Variants in KCNQ2 observed in about 807,000 individuals in gnomAD.
KCNQ2 encodes the protein potassium voltage-gated channel subfamily Q member 2.
KCNQ2 carries 14 observed loss-of-function variants against 84.8 expected under a neutral mutation model. That is an observed-to-expected ratio of 0.17 (90% CI 0.11 to 0.26). The LOEUF is 0.26. KCNQ2 is among the 10% of genes least tolerant of loss of function. KCNQ2 has a pLI of 1.00. For synonymous variants in KCNQ2, 599 were observed against 554.1 expected (o/e 1.08, Z -1.14); for missense variants, 788 against 1,254.0 (o/e 0.63, Z 5.61).
Position 63,408,325 on chromosome 20 carries a change from C to T in KCNQ2, c.1887+88G>A. ...TAGACTTGAGGAGCCCTCCGTGGCA[C>T]CCAGCCCCTGAAGCCCACACTGCCA... On this transcript the variant is annotated intron_variant, in intron 16 of 16. Coordinates refer to ENST00000359125, the MANE Select transcript of KCNQ2 (RefSeq NM_172107.4). The surrounding 1 kb of genome is among the most constrained non-coding windows in gnomAD (Gnocchi z 5.0). 2 of 1,542,150 alleles carry T rather than the reference C, an allele frequency of 1.3e-6. No individual in the cohort carries two copies. Among genetic ancestry groups the T allele is most frequent in the South Asian group, 2.3e-5 (2 of 87,776 alleles).
intron 1 of KCNQ2, among the ~76,000 whole-genome samples, chr20:63,465,802 C>A (rs1044328771): frequency 6.6e-6 from 1 of 152,182 alleles, no homozygotes; most frequent in Non-Finnish European, 1.5e-5. Context: ...CAAGTGTTGT[C>A]GGAAGGCAGA....
At position 63,421,645 on chromosome 20, in the gene KCNQ2, G is replaced by A. The variant is rs3787126; in HGVS notation, c.1248-1973C>T. On this transcript the variant is annotated intron_variant, in intron 11 of 16. Transcript: ENST00000359125. ...CAGGACAGACATGCACCAAAAACACGCGGACACGTGTGCTTGAGAAGAGGA... is the reference window on the plus strand; with the variant it reads ...CAGGACAGACATGCACCAAAAACACACGGACACGTGTGCTTGAGAAGAGGA... 0.013 allele frequency among the ~76,000 whole-genome samples: 1,989 copies of A among 152,230 alleles called. 168 individuals carry two copies. In the East Asian group the frequency reaches 0.23, roughly 17 times the overall value.
rs7265340 is a variant in KCNQ2 at position 63,453,984 on chromosome 20, C to T, written c.297-7147G>A. ...GAACCTTCCTCTAAACTAAAAAAAACGAGGCCCAGGTCCCAAATGTTCAGG... is the reference window on the plus strand; with the variant it reads ...GAACCTTCCTCTAAACTAAAAAAAATGAGGCCCAGGTCCCAAATGTTCAGG... On this transcript the variant is annotated intron_variant, in intron 1 of 16. Transcript: ENST00000359125. 2.6e-3 allele frequency among the ~76,000 whole-genome samples: 396 copies of T among 152,246 alleles called. 2 individuals carry two copies. Among genetic ancestry groups the T allele is most frequent in the African/African-American group, 8.0e-3 (331 of 41,544 alleles).
Position 63,425,866 on chromosome 20 carries a change from TA to T in KCNQ2, c.1218-1661del, listed in dbSNP as rs1043755299. Among the ~76,000 whole-genome samples the T allele has an allele frequency of 6.6e-6, 1 of 152,218 alleles. No individual in the cohort carries two copies. The highest frequency in any genetic ancestry group is 1.5e-5 in the Non-Finnish European group (1 of 68,036). ...GTCCTCCATGCATGGGCTTGTGAACTAGAAAACAAGCCATCTGCTTAAAGTA... is the reference window on the plus strand; with the variant it reads ...GTCCTCCATGCATGGGCTTGTGAACTGAAAACAAGCCATCTGCTTAAAGTA... On this transcript the variant is annotated intron_variant, in intron 10 of 16. Coordinates refer to ENST00000359125, the MANE Select transcript of KCNQ2 (RefSeq NM_172107.4). The surrounding 1 kb of genome is among the most constrained non-coding windows in gnomAD (Gnocchi z 5.5).
At position 63,417,053 on chromosome 20, in the gene KCNQ2, G is replaced by A. The variant is rs938176588; in HGVS notation, c.1302-1927C>T. Among the ~76,000 whole-genome samples the A allele has an allele frequency of 6.6e-5, 10 of 152,322 alleles. No homozygotes were observed. In the East Asian group the frequency reaches 9.7e-4, roughly 15 times the overall value. On this transcript the variant is annotated intron_variant, in intron 12 of 16. Coordinates refer to ENST00000359125, the MANE Select transcript of KCNQ2 (RefSeq NM_172107.4). ...CGCGTGCTTGGGGACGTCAGGAGCC[G>A]ATGGTACAGGCTCGCTCAGGACCCC...
At chr20:63,456,660 G>A (rs906027643) in intron 1 of KCNQ2, among the ~76,000 whole-genome samples, 1 of 152,286 alleles carries the variant, frequency 6.6e-6, no homozygotes, top group South Asian at 2.1e-4. Flanking sequence ...GAGGGAAGCA[G>A]CCCTACAGTC....
chr20:63,406,948 G>C lies in KCNQ2; in HGVS notation c.2315C>G (p.Pro772Arg), dbSNP rs774206764. The C allele has an allele frequency of 1.9e-6, 3 of 1,583,636 alleles. No homozygotes were observed. The highest frequency in any genetic ancestry group is 3.5e-5 in the Admixed American group (2 of 57,158). ...SMEFLRQEDT[P>R]GCRPPEGNLR... Reference sequence around the variant, plus strand: ...GTTCCCCTCGGGGGGCCTGCAGCCCGGGGTGTCCTCCTGCCGCAGGAACTC... The same window carrying C: ...GTTCCCCTCGGGGGGCCTGCAGCCCCGGGTGTCCTCCTGCCGCAGGAACTC... The change falls in exon 17 of 17, where the codon CCG becomes CGG. Residue 772 changes from proline to arginine, a missense_variant. Physicochemically the swap from Pro to Arg is moderately radical, Grantham distance 103. This residue lies in a region of KCNQ2 where 378 missense variants were observed against 434.5 expected (regional missense o/e 0.87). Coordinates refer to ENST00000359125, the MANE Select transcript of KCNQ2 (RefSeq NM_172107.4).
Position 63,400,569 on chromosome 20 carries a change from G to A in KCNQ2, c.*6075C>T, listed in dbSNP as rs1046447322. The A allele has an allele frequency of 7.5e-6, 3 of 398,436 alleles. No individual in the cohort carries two copies. The highest frequency in any genetic ancestry group is 1.3e-5 in the Non-Finnish European group (3 of 226,010). 24.7% of individuals were successfully genotyped at this position (398,436 alleles called of 1,614,324 possible). A position where few individuals can be genotyped will look rare whatever the true frequency, so the allele number is the denominator to read the frequency against. On this transcript the variant is annotated 3_prime_UTR_variant, in exon 17 of 17. Transcript: ENST00000359125. This position sits in a 1 kb window ranked among gnomAD's most constrained non-coding sequence, Gnocchi z 8.7. ...ACATACAAAATGGTCAGAAGTGTAC[G>A]TCGGTACTGAAGGCATTATGAAATG... is the stretch of plus-strand genomic sequence containing the variant.
chr20:63,454,036 C>T (rs55955109), intron 1 of KCNQ2, among the ~76,000 whole-genome samples: 44,447 of 152,118 alleles, frequency 0.29, 7,243 homozygotes, highest in East Asian at 0.51. Flanking sequence ...AAGGTGGCTC[C>T]GACCAGGCAT....
chr20:63,412,123 C>A, intron 15 of KCNQ2: 1 of 489,318 alleles, frequency 2.0e-6, no homozygotes, highest in Non-Finnish European at 3.7e-6. Context: ...TGCGGAGACC[C>A]GGGTGCCACG....
intron 1 of KCNQ2, among the ~76,000 whole-genome samples, chr20:63,463,084 T>C (rs935709120): frequency 6.8e-6 from 1 of 147,204 alleles, no homozygotes; most frequent in Admixed American, 6.9e-5. Context: ...TGTGTGTGTG[T>C]GTGCACATGT....
intron 1 of KCNQ2, among the ~76,000 whole-genome samples, chr20:63,450,330 A>G (rs1216049276): frequency 1.3e-5 from 2 of 150,318 alleles, no homozygotes; most frequent in East Asian, 4.1e-4. Flanking sequence ...GCCACCACAC[A>G]TGAGGTCAGG....
In KCNQ2 at chr20:63,407,031, C is replaced by T. The variant is rs547655324; in HGVS notation, c.2232G>A (p.Pro744=). 2.0e-5 allele frequency: 30 copies of T among 1,517,514 alleles called. No individual in the cohort carries two copies. Among genetic ancestry groups the T allele is most frequent in the Admixed American group, 4.0e-5 (2 of 49,444 alleles). The allele number at this position is 1,517,514 out of a possible 1,614,324, so 94.0% of individuals were successfully genotyped here. A position where few individuals can be genotyped will look rare whatever the true frequency, so the allele number is the denominator to read the frequency against. The change falls in exon 17 of 17, where the codon CCG becomes CCA. Residue 744 remains proline (P), a synonymous_variant. Transcript: ENST00000359125. The surrounding 1 kb of genome is among the most constrained non-coding windows in gnomAD (Gnocchi z 7.2). The part of the protein sequence containing the change: ...GDHGSLVRIP[P]PPAHERSLSA... ...ACAGCGACCGCTCGTGGGCAGGCGG[C>T]GGCGGGATGCGCACCAGGGAGCCGT...
intron 4 of KCNQ2, among the ~76,000 whole-genome samples, chr20:63,443,219 G>C (rs1209480236): frequency 0.026 from 349 of 13,486 alleles, no homozygotes; most frequent in African/African-American, 0.032. Context: ...CCACCACCAT[G>C]ATCACCACCA....
intron 11 of KCNQ2, chr20:63,422,129 T>C (rs117491878): frequency 0.072 from 10,921 of 152,348 alleles, 561 homozygotes; most frequent in Admixed American, 0.14. Context: ...GAGGCACAGG[T>C]CCCACCAGAC....
At chr20:63,466,263 C>T (rs1450789704) in intron 1 of KCNQ2, among the ~76,000 whole-genome samples, 2 of 151,908 alleles carry the variant, frequency 1.3e-5, no homozygotes, top group Admixed American at 6.5e-5. Context: ...GCCCGGGCCC[C>T]GCGCTTCAAC....
In KCNQ2 at chr20:63,400,388, TGTGA is replaced by T. The variant is rs1202969855; in HGVS notation, c.*6252_*6255del. The stretch of plus-strand genomic sequence containing the variant: ...TACGGCTCTGGCATCAACCTGTCCG[TGTGA>T]GTAAGTTAATATCTCAGCTAATCTG... On this transcript the variant is annotated 3_prime_UTR_variant, in exon 17 of 17. Transcript: ENST00000359125. This position sits in a 1 kb window ranked among gnomAD's most constrained non-coding sequence, Gnocchi z 8.7. The T allele has an allele frequency of 7.8e-6, 3 of 383,068 alleles. No homozygotes were observed. Among genetic ancestry groups the T allele is most frequent in the African/African-American group, 4.1e-5 (2 of 48,280 alleles). 23.7% of individuals were successfully genotyped at this position (383,068 alleles called of 1,614,324 possible). A position where few individuals can be genotyped will look rare whatever the true frequency, so the allele number is the denominator to read the frequency against.
chr20:63,442,677 C>CTAT (rs2081207821), intron 4 of KCNQ2, 146 bp from the exon 5 acceptor site: 1 of 480,256 alleles, frequency 2.1e-6, no homozygotes, highest in Non-Finnish European at 3.6e-6. Flanking sequence ...ACCACCACCA[C>CTAT]CACCACCATC....
At chr20:63,434,138 A>T (rs2080917016) in intron 7 of KCNQ2, 1 of 551,566 alleles carries the variant, frequency 1.8e-6, no homozygotes, top group Non-Finnish European at 3.2e-6. Context: ...GAAGGAGGGG[A>T]GCGGTTGGGG....
Sources: allele counts gnomAD v4.1 joint callset (sites outside exome capture counted in the v4.1 genomes callset), GRCh38; gene constraint gnomAD v4.1.1; regional missense constraint gnomAD v4.1.1; non-coding constraint Gnocchi (gnomAD v3.1); transcripts MANE v1.5; gene names NCBI Gene and HGNC (gene_info 2026-07-23, HGNC 2026-07-21).